The following PHF2 variants were observed in gnomAD, a reference collection of about 807,000 sequenced individuals.
PHF2 encodes lysine-specific demethylase PHF2.
PHF2 carries 27 observed loss-of-function variants against 120.5 expected under a neutral mutation model. That is an observed-to-expected ratio of 0.22 (90% CI 0.17 to 0.31). PHF2 has a LOEUF of 0.31. Among genes scored for constraint, PHF2 ranks in the 10% least tolerant of loss-of-function variants. The pLI, the probability that PHF2 is intolerant of heterozygous loss-of-function variation, is 1.00. For synonymous variants in PHF2, 568 were observed against 592.5 expected (o/e 0.96, Z 0.60); for missense variants, 1,024 against 1,434.8 (o/e 0.71, Z 4.63).
At chr9:93,635,956 A>T (rs1587696741) in intron 2 of PHF2, among the ~76,000 whole-genome samples, 1 of 151,790 alleles carries the variant, frequency 6.6e-6, no homozygotes, top group African/African-American at 2.4e-5. Flanking sequence ...AGATGGTGGG[A>T]CCTGACCTGC....
At chr9:93,627,492 A>ATTTTTTTTTTTTTTTTTTTTTTTTT (rs55647503) in intron 1 of PHF2, among the ~76,000 whole-genome samples, 50 of 108,116 alleles carry the variant, frequency 4.6e-4, no homozygotes, top group Non-Finnish European at 5.3e-4. Context: ...TTATTTCAGG[A>ATTTTTTTTTTTTTTTTTTTTTTTTT]TTTTTTTTTT....
intron 1 of PHF2, among the ~76,000 whole-genome samples, chr9:93,579,896 C>G (rs1436024290): frequency 6.6e-6 from 1 of 152,212 alleles, no homozygotes; most frequent in Admixed American, 6.5e-5. Flanking sequence ...GGGTGTTTGC[C>G]TACTCAGGGA....
intron 1 of PHF2, among the ~76,000 whole-genome samples, chr9:93,596,463 C>T (rs963225843): frequency 2.6e-5 from 4 of 152,050 alleles, no homozygotes; most frequent in African/African-American, 9.7e-5. Context: ...TAAAAACCTG[C>T]CCTTCTTGAA....
intron 1 of PHF2, among the ~76,000 whole-genome samples, chr9:93,578,399 AAGTG>A (rs1862873839): frequency 1.3e-5 from 2 of 152,230 alleles, no homozygotes; most frequent in Non-Finnish European, 2.9e-5. Context: ...GGCCGGGCCA[AAGTG>A]AGTGAGAGCC....
chr9:93,598,035 C>A (rs906539228), intron 1 of PHF2, among the ~76,000 whole-genome samples: 1 of 152,168 alleles, frequency 6.6e-6, no homozygotes, highest in African/African-American at 2.4e-5. Flanking sequence ...CATCAGTGGG[C>A]TTTATGGGCC....
intron 17 of PHF2, among the ~76,000 whole-genome samples, chr9:93,669,068 GC>G (rs1281227251): frequency 1.3e-5 from 2 of 152,212 alleles, no homozygotes; most frequent in Non-Finnish European, 2.9e-5. Flanking sequence ...TATTTTCCAT[GC>G]CGACTAGTTA....
In PHF2 at chr9:93,656,434, A is replaced by C. The variant is rs1826460911; in HGVS notation, c.1041-55A>C. 3 of 1,236,676 alleles carry C rather than the reference A, an allele frequency of 2.4e-6. No individual in the cohort carries two copies. Among genetic ancestry groups the C allele is most frequent in the African/African-American group, 1.5e-5 (1 of 67,880 alleles). 76.6% of individuals were successfully genotyped at this position (1,236,676 alleles called of 1,614,324 possible). A position where few individuals can be genotyped will look rare whatever the true frequency, so the allele number is the denominator to read the frequency against. ...GTGTCTGGGGCCTGGATTGATGCCC[A>C]GCGTCGCCTGCTTGATGGTCAGTGC... On this transcript the variant is annotated intron_variant, in intron 8 of 21. Transcript: ENST00000359246. This position sits in a 1 kb window ranked among gnomAD's most constrained non-coding sequence, Gnocchi z 4.1.
intron 12 of PHF2, among the ~76,000 whole-genome samples, chr9:93,661,611 G>GTGGA (rs1289144578): frequency 6.6e-6 from 1 of 151,002 alleles, no homozygotes; most frequent in African/African-American, 2.4e-5. Flanking sequence ...GGGTGAATGG[G>GTGGA]TGGATGGATG....
At position 93,655,772 on chromosome 9, in the gene PHF2, G is replaced by T. The variant is rs202224300; in HGVS notation, c.953-162G>T. Among the ~76,000 whole-genome samples, 3 of 152,348 alleles carry T rather than the reference G, an allele frequency of 2.0e-5. No homozygotes were observed. The East Asian group carries it at 5.8e-4, about 29-fold the overall frequency. On this transcript the variant is annotated intron_variant, in intron 7 of 21. Coordinates refer to ENST00000359246, the MANE Select transcript of PHF2 (RefSeq NM_005392.4). ...GAGGCCCCAGGCTGCTGGTGAAGCCGCAGAGGTGGACAGGGCACCAAGGTG... is the reference window on the plus strand; with the variant it reads ...GAGGCCCCAGGCTGCTGGTGAAGCCTCAGAGGTGGACAGGGCACCAAGGTG...
intron 17 of PHF2, among the ~76,000 whole-genome samples, chr9:93,667,612 C>T (rs551943233): frequency 1.3e-5 from 2 of 152,278 alleles, no homozygotes; most frequent in South Asian, 2.1e-4. Context: ...GGGCCCATGT[C>T]GGGGGCTGCA....
intron 6 of PHF2, 100 bp downstream of exon 6, chr9:93,653,465 C>A: frequency 1.6e-6 from 2 of 1,257,890 alleles, no homozygotes; most frequent in Admixed American, 1.9e-5. Flanking sequence ...CAGGATGCGA[C>A]TCCCCAGAGG....
chr9:93,614,358 C>A (rs992581708), intron 1 of PHF2, among the ~76,000 whole-genome samples: 1 of 152,240 alleles, frequency 6.6e-6, no homozygotes, highest in African/African-American at 2.4e-5. Context: ...CTTCATTTCC[C>A]TCTTGGCTTC....
At chr9:93,610,031 A>AT (rs923575693) in intron 1 of PHF2, among the ~76,000 whole-genome samples, 24 of 148,766 alleles carry the variant, frequency 1.6e-4, no homozygotes, top group Middle Eastern at 3.4e-3. Context: ...TTTGTGTTTG[A>AT]TTTTTTTTTG....
chr9:93,593,777 A>G (rs1464556252), intron 1 of PHF2, among the ~76,000 whole-genome samples: 1 of 152,220 alleles, frequency 6.6e-6, no homozygotes, highest in Non-Finnish European at 1.5e-5. Context: ...CTTTATGATG[A>G]TATTAAATGA....
chr9:93,649,374 CTT>C (rs752368762), intron 5 of PHF2, among the ~76,000 whole-genome samples, 162 bp downstream of exon 5: 6,619 of 105,136 alleles, frequency 0.063, 97 homozygotes, highest in Non-Finnish European at 0.081. Flanking sequence ...AAATTTTTTC[CTT>C]TTTTTTTTTT....
intron 1 of PHF2, among the ~76,000 whole-genome samples, chr9:93,623,616 C>T (rs1316902168): frequency 1.3e-5 from 2 of 152,182 alleles, no homozygotes; most frequent in African/African-American, 4.8e-5. Flanking sequence ...CATCAATGTT[C>T]TGAGTTTCCT....
chr9:93,580,357 G>A (rs1349559184), intron 1 of PHF2, among the ~76,000 whole-genome samples: 1 of 152,154 alleles, frequency 6.6e-6, no homozygotes, highest in Non-Finnish European at 1.5e-5. Context: ...GGGATGTGTC[G>A]CTCTGCACCG....
intron 5 of PHF2, among the ~76,000 whole-genome samples, chr9:93,650,535 G>A (rs927779230): frequency 8.5e-5 from 13 of 152,170 alleles, no homozygotes; most frequent in Admixed American, 5.9e-4. Context: ...TGGTTGGCCC[G>A]GTCCCCCTGA....
rs1587717547 is a variant in PHF2 at position 93,666,157 on chromosome 9, G to A, written c.2187+97G>A. The stretch of plus-strand genomic sequence containing the variant: ...TGACTCCAGGGCGGTCTCTGGGGGT[G>A]TTTCTGCATGAGATGGCAAAGGGGC... On this transcript the variant is annotated intron_variant, in intron 16 of 21. Transcript: ENST00000359246. 8 of 1,293,750 alleles carry A rather than the reference G, an allele frequency of 6.2e-6. No individual in the cohort carries two copies. The South Asian group carries it at 7.5e-5, about 12-fold the overall frequency. The allele number at this position is 1,293,750 out of a possible 1,614,324, so 80.1% of individuals were successfully genotyped here. A position where few individuals can be genotyped will look rare whatever the true frequency, so the allele number is the denominator to read the frequency against.
Sources: gnomAD v4.1 joint callset for allele counts (sites outside exome capture counted in the v4.1 genomes callset) on GRCh38, gnomAD v4.1.1 for gene constraint, Gnocchi (gnomAD v3.1) non-coding constraint, MANE v1.5 for transcripts, NCBI Gene and HGNC (gene_info 2026-07-23, HGNC 2026-07-21) for gene names.